The following FRMD4A variants were observed in gnomAD, a reference collection of about 807,000 sequenced individuals.
FRMD4A encodes the protein FERM domain containing 4A, also known as FERM domain-containing protein 4A.
FRMD4A carries 29 observed loss-of-function variants against 129.1 expected under a neutral mutation model. The observed-to-expected ratio is 0.22, with a 90% confidence interval of 0.17 to 0.31. FRMD4A has a LOEUF of 0.31. Ranked by LOEUF, FRMD4A falls within the 10% of genes least tolerant of loss-of-function variation. The pLI is 1.00. For synonymous variants in FRMD4A, 634 were observed against 571.6 expected (o/e 1.11, Z -1.56); for missense variants, 1,272 against 1,375.8 (o/e 0.92, Z 1.19).
chr10:14,008,105 T>G (rs1302684286), intron 2 of FRMD4A: 2 of 1,303,232 alleles, frequency 1.5e-6, no homozygotes, highest in Non-Finnish European at 2.0e-6. Flanking sequence ...GAATTTTCAG[T>G]AAAAGTCTTT....
intron 2 of FRMD4A, among the ~76,000 whole-genome samples, chr10:14,162,596 C>T (rs576023650): frequency 6.6e-6 from 1 of 151,210 alleles, no homozygotes; most frequent in Non-Finnish European, 1.5e-5. Context: ...CCACTCTCAT[C>T]CCAGCCAATT....
Position 14,330,689 on chromosome 10 carries a change from C to T in FRMD4A, c.-174G>A. ...CTGGGAGTGAGACAGCCGAGTCTGA[C>T]CATGAGGCACCAGGCAGTCACTGGA... On this transcript the variant is annotated 5_prime_UTR_variant, in exon 1 of 25. Transcript: ENST00000357447. The T allele has an allele frequency of 7.5e-6, 3 of 398,730 alleles. No homozygotes were observed. The highest frequency in any genetic ancestry group is 8.8e-6 in the Non-Finnish European group (2 of 226,304). 24.7% of individuals were successfully genotyped at this position (398,730 alleles called of 1,614,324 possible).
At chr10:13,994,175 ATTTTTT>A (rs549621959) in intron 2 of FRMD4A, among the ~76,000 whole-genome samples, 3,275 of 101,928 alleles carry the variant, frequency 0.032, 74 homozygotes, top group East Asian at 0.13. Flanking sequence ...CGCCCAGCTA[ATTTTTT>A]TTTTTTTTTT....
intron 19 of FRMD4A, among the ~76,000 whole-genome samples, chr10:13,661,858 G>A (rs183446584): frequency 6.6e-5 from 10 of 152,150 alleles, no homozygotes; most frequent in Non-Finnish European, 1.3e-4. Context: ...CATTTCCAGC[G>A]ACTTGTTTCA....
intron 2 of FRMD4A, among the ~76,000 whole-genome samples, chr10:13,919,221 C>G (rs1881581): frequency 1 from 152,155 of 152,386 alleles, 75,962 homozygotes; most frequent in Middle Eastern, 1. Context: ...GCTCAAGCGC[C>G]ATAAGTTTTA....
chr10:13,886,871 G>A (rs772017618), intron 2 of FRMD4A, among the ~76,000 whole-genome samples: 1 of 152,242 alleles, frequency 6.6e-6, no homozygotes, highest in Non-Finnish European at 1.5e-5. Flanking sequence ...AGTTAATGTA[G>A]TGAGTGTATG....
intron 2 of FRMD4A, among the ~76,000 whole-genome samples, chr10:14,305,539 C>T (rs1043798752): frequency 6.6e-6 from 1 of 152,020 alleles, no homozygotes; most frequent in Non-Finnish European, 1.5e-5. Context: ...ACTCGCTAAT[C>T]AAGGCAATCT....
In FRMD4A at chr10:13,821,734, C is replaced by T. The variant is rs1413301407; in HGVS notation, c.112-10826G>A. On this transcript the variant is annotated intron_variant, in intron 3 of 24. Transcript: ENST00000357447. The surrounding 1 kb of genome is among the most constrained non-coding windows in gnomAD (Gnocchi z 4.3). Reference sequence around the variant, plus strand: ...ACAGCGAATCAGTGGGAGAACTGAACCGCGGCACACAGGTGGGCATGGGTC... The same window carrying T: ...ACAGCGAATCAGTGGGAGAACTGAATCGCGGCACACAGGTGGGCATGGGTC... Among the ~76,000 whole-genome samples the T allele has an allele frequency of 2.6e-5, 4 of 152,174 alleles. No individual in the cohort carries two copies. The highest frequency in any genetic ancestry group is 5.9e-5 in the Non-Finnish European group (4 of 68,032).
intron 2 of FRMD4A, among the ~76,000 whole-genome samples, chr10:14,006,937 T>A (rs2095664302): frequency 6.6e-6 from 1 of 152,118 alleles, no homozygotes; most frequent in Admixed American, 6.5e-5. Flanking sequence ...GAAAGCAACG[T>A]TTTTTTCATT....
At chr10:14,089,993 A>C (rs1836566381) in intron 2 of FRMD4A, among the ~76,000 whole-genome samples, 1 of 152,230 alleles carries the variant, frequency 6.6e-6, no homozygotes, top group South Asian at 2.1e-4. Context: ...TCTAGAAGAG[A>C]GGAGAACTCT....
At chr10:14,065,474 C>T (rs913221740) in intron 2 of FRMD4A, among the ~76,000 whole-genome samples, 1 of 152,182 alleles carries the variant, frequency 6.6e-6, no homozygotes, top group African/African-American at 2.4e-5. Context: ...AGCCACCATA[C>T]CCGGCCCTAA....
chr10:14,266,858 A>G (rs982675078), intron 2 of FRMD4A, among the ~76,000 whole-genome samples: 4 of 152,208 alleles, frequency 2.6e-5, no homozygotes, highest in Non-Finnish European at 4.4e-5. Context: ...TGTATATAAA[A>G]ATACATAGAG....
chr10:14,020,820 T>A (rs1369289384), intron 2 of FRMD4A, among the ~76,000 whole-genome samples: 1 of 151,944 alleles, frequency 6.6e-6, no homozygotes, highest in Non-Finnish European at 1.5e-5. Context: ...TTCCCAATCA[T>A]TCAAGGGGGA....
intron 2 of FRMD4A, among the ~76,000 whole-genome samples, chr10:13,889,858 T>C (rs2698129): frequency 0.98 from 149,136 of 152,364 alleles, 73,059 homozygotes; most frequent in Non-Finnish European, 1. Flanking sequence ...TTGTATTCAC[T>C]GGCTGGACAA....
At chr10:14,170,172 T>C (rs1189060246) in intron 2 of FRMD4A, among the ~76,000 whole-genome samples, 3 of 152,218 alleles carry the variant, frequency 2.0e-5, no homozygotes, top group African/African-American at 4.8e-5. Context: ...CTATATTGTG[T>C]GTATTTCAGA....
chr10:13,789,591 T>G (rs77021027), intron 5 of FRMD4A, among the ~76,000 whole-genome samples: 2 of 76,320 alleles, frequency 2.6e-5, no homozygotes, highest in African/African-American at 8.1e-5. Flanking sequence ...CACACACACA[T>G]GACGCAGACT....
At chr10:14,285,524 C>G (rs1431608808) in intron 2 of FRMD4A, among the ~76,000 whole-genome samples, 1 of 152,214 alleles carries the variant, frequency 6.6e-6, no homozygotes, top group African/African-American at 2.4e-5. Flanking sequence ...CCTAATATCC[C>G]TTGTTGCTCC....
chr10:13,967,784 A>C (rs148917581), intron 2 of FRMD4A, among the ~76,000 whole-genome samples: 2 of 152,364 alleles, frequency 1.3e-5, no homozygotes, highest in East Asian at 3.9e-4. Flanking sequence ...AGTGGTTCAC[A>C]GCTATAATGC....
intron 2 of FRMD4A, among the ~76,000 whole-genome samples, chr10:14,194,169 G>A (rs567178178): frequency 2.6e-5 from 4 of 152,276 alleles, no homozygotes; most frequent in African/African-American, 7.2e-5. Flanking sequence ...AACCACAAAA[G>A]TAAAAGCAAA....
Sources: gnomAD v4.1 joint callset for allele counts (sites outside exome capture counted in the v4.1 genomes callset) on GRCh38, gnomAD v4.1.1 for gene constraint, Gnocchi (gnomAD v3.1) non-coding constraint, MANE v1.5 for transcripts, NCBI Gene and HGNC (gene_info 2026-07-23, HGNC 2026-07-21) for gene names.